The following CCNB2 variants were observed in gnomAD, a reference collection of about 807,000 sequenced individuals.
CCNB2 encodes the protein G2/mitotic-specific cyclin-B2.
A neutral mutation model predicts 51.1 loss-of-function variants in CCNB2; 39 were observed. The ratio of observed to expected loss-of-function variants is 0.76; its 90% CI spans 0.59 to 1.00. The LOEUF is 1.00. Among genes scored for constraint, CCNB2 ranks in the 50% least tolerant of loss-of-function variants. CCNB2 has a pLI of 0.00. For synonymous variants in CCNB2, 174 were observed against 165.5 expected, an observed-to-expected ratio of 1.05 and a Z score of -0.40; for missense variants, 472 against 470.3, an observed-to-expected ratio of 1.00 and a Z score of -0.03.
intron 3 of CCNB2, among the ~76,000 whole-genome samples, chr15:59,108,970 T>C (rs779627564): frequency 1.3e-5 from 2 of 152,346 alleles, no homozygotes; most frequent in Non-Finnish European, 2.9e-5. Flanking sequence ...CTTGATCTCT[T>C]AGCAGTTGTG....
At chr15:59,110,987 A>C (rs2079255262) in intron 3 of CCNB2, among the ~76,000 whole-genome samples, 1 of 152,218 alleles carries the variant, frequency 6.6e-6, no homozygotes, top group South Asian at 2.1e-4. Context: ...ACATAGGAGT[A>C]GAAGTATGGC....
chr15:59,124,689 G>C (rs961978682), intron 8 of CCNB2, 78 bp from the exon 9 acceptor site: 3 of 984,462 alleles, frequency 3.0e-6, no homozygotes, highest in Middle Eastern at 2.3e-4. Flanking sequence ...GTGGACCTTT[G>C]ATAATTGTGA....
chr15:59,121,554 T>C (rs2079301895), intron 7 of CCNB2: 2 of 152,220 alleles, frequency 1.3e-5, no homozygotes, highest in African/African-American at 4.8e-5. Context: ...TTCAGCAGTT[T>C]TGGAGGCTGA....
At chr15:59,114,402 G>A (rs763514939) in intron 3 of CCNB2, 42 bp from the exon 4 acceptor site, 14 of 1,490,484 alleles carry the variant, frequency 9.4e-6, no homozygotes, top group Admixed American at 8.6e-5. Context: ...ATGTATTTAT[G>A]GTTAAGGCTG....
In CCNB2 at chr15:59,117,270, C is replaced by G; in HGVS notation, c.877C>G (p.Leu293Val). 3 of 1,613,316 alleles carry G rather than the reference C, an allele frequency of 1.9e-6. No individual in the cohort carries two copies. Among genetic ancestry groups the G allele is most frequent in the Non-Finnish European group, 1.7e-6 (2 of 1,179,918 alleles). ...QHTLAKYLME[L>V]TLIDYDMVHY... ...CACTTTAGCCAAGTATTTGATGGAG[C>G]TGACTCTCATCGACTATGATATGGT... The change falls in exon 7 of 9, where the codon CTG becomes GTG. Residue 293 changes from leucine (L) to valine (V), a missense_variant. Physicochemically the swap from Leu to Val is conservative, Grantham distance 32 (BLOSUM62 1). Transcript: ENST00000288207.
At chr15:59,118,149 G>C (rs1210410249) in intron 7 of CCNB2, among the ~76,000 whole-genome samples, 3 of 152,208 alleles carry the variant, frequency 2.0e-5, no homozygotes, top group Non-Finnish European at 4.4e-5. Flanking sequence ...GACTGATTTA[G>C]CCAGTAAGAA....
intron 1 of CCNB2, among the ~76,000 whole-genome samples, chr15:59,106,472 C>T (rs1458955250): frequency 6.6e-6 from 1 of 152,132 alleles, no homozygotes; most frequent in Admixed American, 6.5e-5. Context: ...AGAGTCGGGA[C>T]CCTGAACTCT....
Position 59,123,623 on chromosome 15 carries a change from TCA to T in CCNB2, c.1083_1084del (p.Ile362ArgfsTer5). 1 of 1,587,832 alleles carries T rather than the reference TCA, an allele frequency of 6.3e-7. No homozygotes were observed. On this transcript the variant is annotated frameshift_variant and splice_region_variant, in exon 8 of 9. Transcript: ENST00000288207. LOFTEE classifies it high-confidence loss of function. ...AAAGTAAATGAAAACTTAACTAAAT[TCA>T]TCGTAAGTACTACTGTTTTCTTAAG... is the stretch of plus-strand genomic sequence containing the variant.
intron 8 of CCNB2, 83 bp downstream of exon 8, chr15:59,123,710 T>A: frequency 1.4e-6 from 1 of 704,810 alleles, no homozygotes; most frequent in Non-Finnish European, 2.5e-6. Flanking sequence ...GGGCGGTGTG[T>A]GCCGTCATGT....
At chr15:59,117,104 A>G in intron 6 of CCNB2, 124 bp from the exon 7 acceptor site, 1 of 1,065,696 alleles carries the variant, frequency 9.4e-7, no homozygotes, top group Non-Finnish European at 1.4e-6. Flanking sequence ...ATAGTGTGGA[A>G]TAGAGTAATT....
At position 59,116,776 on chromosome 15, in the gene CCNB2, A is replaced by C; in HGVS notation, c.684A>C (p.Pro228=). ...LASKYEEMFS[P]NIEDFVYITD... The stretch of plus-strand genomic sequence containing the variant: ...CCAAGTATGAGGAGATGTTTTCTCC[A>C]AATATTGAAGACTTTGTTTACATCA... Residue 228 remains proline, a synonymous_variant, in exon 6 of 9, where the codon CCA becomes CCC. Transcript: ENST00000288207. 1.2e-6 allele frequency: 2 copies of C among 1,613,954 alleles called. No individual in the cohort carries two copies. The highest frequency in any genetic ancestry group is 8.5e-7 in the Non-Finnish European group (1 of 1,179,926).
chr15:59,123,674 G>C, intron 8 of CCNB2, 47 bp downstream of exon 8: 1 of 908,150 alleles, frequency 1.1e-6, no homozygotes, highest in Non-Finnish European at 1.7e-6. Flanking sequence ...TAGGTTCTGG[G>C]TTTTGTGTGT....
At chr15:59,121,931 CAAAAAAAAAAAAAAAAAAAA>C (rs3052992) in intron 7 of CCNB2, among the ~76,000 whole-genome samples, 2 of 14,094 alleles carry the variant, frequency 1.4e-4, no homozygotes, top group South Asian at 2.9e-3. Flanking sequence ...GACTCTGTCT[CAAAAAAAAAAAAAAAAAAAA>C]AAAAAAAAAA....
chr15:59,110,991 G>C (rs1186864710), intron 3 of CCNB2, among the ~76,000 whole-genome samples: 2 of 152,186 alleles, frequency 1.3e-5, no homozygotes, highest in African/African-American at 4.8e-5. Flanking sequence ...AGGAGTAGAA[G>C]TATGGCTTTA....
At chr15:59,108,631 C>A (rs1008715049) in intron 3 of CCNB2, among the ~76,000 whole-genome samples, 1 of 152,156 alleles carries the variant, frequency 6.6e-6, no homozygotes, top group Non-Finnish European at 1.5e-5. Flanking sequence ...ATTAAATAAA[C>A]CATTTATGCA....
At chr15:59,116,265 T>C (rs1164584602) in intron 5 of CCNB2, among the ~76,000 whole-genome samples, 4 of 152,154 alleles carry the variant, frequency 2.6e-5, no homozygotes, top group Non-Finnish European at 4.4e-5. Context: ...ATTCAGACCA[T>C]GTTTAGTGTG....
chr15:59,124,444 T>C, intron 8 of CCNB2: 1 of 339,072 alleles, frequency 2.9e-6, no homozygotes. Context: ...GAACCTGTTA[T>C]GTCCTGATGG....
At chr15:59,120,065 C>T (rs1188504705) in intron 7 of CCNB2, among the ~76,000 whole-genome samples, 2 of 151,986 alleles carry the variant, frequency 1.3e-5, no homozygotes, top group African/African-American at 4.8e-5. Context: ...TAGGAAATAG[C>T]AAAACAAAAA....
intron 7 of CCNB2, among the ~76,000 whole-genome samples, chr15:59,122,241 CTTTTTTTT>C (rs1162917277): frequency 5.5e-5 from 4 of 72,990 alleles, no homozygotes; most frequent in East Asian, 5.4e-4. Flanking sequence ...GTTGACATAT[CTTTTTTTT>C]TTTTTTTTTT....
Sources: gnomAD v4.1 joint callset for allele counts (sites outside exome capture counted in the v4.1 genomes callset) on GRCh38, gnomAD v4.1.1 for gene constraint, MANE v1.5 for transcripts, NCBI Gene and HGNC (gene_info 2026-07-23, HGNC 2026-07-21) for gene names.